Variants in RABGAP1 observed in about 807,000 individuals in gnomAD.
The protein encoded by RABGAP1 is rab GTPase-activating protein 1.
Under a neutral mutation model 137.6 loss-of-function variants are expected in RABGAP1, and 23 were observed. The ratio of observed to expected loss-of-function variants is 0.17; its 90% CI spans 0.12 to 0.24. The LOEUF (loss-of-function observed/expected upper bound fraction) is 0.24, where lower values mean the gene tolerates loss of function less well. Ranked by LOEUF, RABGAP1 falls within the 10% of genes least tolerant of loss-of-function variation. RABGAP1 has a pLI of 1.00. For missense variants in RABGAP1, 906 were observed against 1,275.8 expected, an observed-to-expected ratio of 0.71 and a Z score of 4.42; for synonymous variants, 451 against 450.7, an observed-to-expected ratio of 1.00 and a Z score of -0.01.
intron 4 of RABGAP1, 98 bp downstream of exon 4, chr9:122,986,517 T>A (rs1836379070): frequency 1.6e-6 from 2 of 1,277,432 alleles, no homozygotes; most frequent in African/African-American, 1.5e-5. Context: ...TATTAATAGT[T>A]ATTTTACTTG....
At chr9:122,965,623 A>T (rs1211045909) in intron 2 of RABGAP1, among the ~76,000 whole-genome samples, 1 of 152,202 alleles carries the variant, frequency 6.6e-6, no homozygotes, top group East Asian at 1.9e-4. Flanking sequence ...ACCTCAGGTG[A>T]TCCGCCTGCC....
the RABGAP1 span, among the ~76,000 whole-genome samples, chr9:122,933,941 A>T: frequency 1.5e-4 from 12 of 79,356 alleles, no homozygotes; most frequent in South Asian, 1.3e-3. Context: ...TGAAAAAAAA[A>T]TTTTTTTGTA....
intron 6 of RABGAP1, among the ~76,000 whole-genome samples, chr9:122,995,205 C>G (rs1282448164): frequency 6.6e-6 from 1 of 152,154 alleles, no homozygotes; most frequent in Non-Finnish European, 1.5e-5. Flanking sequence ...AATTATTACA[C>G]TGGTTTATAA....
In RABGAP1 at chr9:123,074,444, C is replaced by T; in HGVS notation, c.2253+16C>T. ...TTTATGTGAGGTATGTATCAGAGGC[C>T]ACAGCACTTTGGCTTTTGTTTGCAG... On this transcript the variant is annotated intron_variant, in intron 17 of 25. Transcript: ENST00000373647. 1 of 1,604,734 alleles carries T rather than the reference C, an allele frequency of 6.2e-7. No homozygotes were observed. Among genetic ancestry groups the T allele is most frequent in the South Asian group, 1.1e-5 (1 of 89,892 alleles).
intron 2 of RABGAP1, among the ~76,000 whole-genome samples, chr9:122,976,784 C>T (rs1225019645): frequency 2.6e-5 from 4 of 152,128 alleles, no homozygotes; most frequent in South Asian, 4.1e-4. Flanking sequence ...AGTAGCAATG[C>T]TAGAATAAAC....
chr9:122,967,880 C>T (rs1835253904), intron 2 of RABGAP1, among the ~76,000 whole-genome samples: 1 of 151,980 alleles, frequency 6.6e-6, no homozygotes, highest in Non-Finnish European at 1.5e-5. Flanking sequence ...GCACACACCA[C>T]CACACTTGGC....
At chr9:123,080,235 C>T (rs1382442131) in intron 19 of RABGAP1, among the ~76,000 whole-genome samples, 2 of 152,236 alleles carry the variant, frequency 1.3e-5, no homozygotes, top group Middle Eastern at 3.4e-3. Context: ...AGGCTGCCTT[C>T]AGTGTGTCTG....
At chr9:122,987,263 T>C (rs554805348) in intron 4 of RABGAP1, among the ~76,000 whole-genome samples, 16 of 152,228 alleles carry the variant, frequency 1.1e-4, no homozygotes, top group Non-Finnish European at 1.9e-4. Flanking sequence ...CAGCTAAATA[T>C]ACTGTTGCTC....
chr9:122,976,852 G>A (rs957577369), intron 2 of RABGAP1, among the ~76,000 whole-genome samples: 1 of 152,148 alleles, frequency 6.6e-6, no homozygotes, highest in Non-Finnish European at 1.5e-5. Context: ...TATCTAGAAC[G>A]GTTAAGATCT....
At chr9:123,021,308 A>C (rs1293550357) in intron 13 of RABGAP1, among the ~76,000 whole-genome samples, 1 of 151,070 alleles carries the variant, frequency 6.6e-6, no homozygotes, top group African/African-American at 2.4e-5. Context: ...AAAAAAAAAA[A>C]ACCTTATAAG....
chr9:123,073,040 G>T (rs893253130), intron 15 of RABGAP1, among the ~76,000 whole-genome samples: 1 of 152,192 alleles, frequency 6.6e-6, no homozygotes, highest in Admixed American at 6.5e-5. Flanking sequence ...AATATGTAAG[G>T]TTCTTCTAAA....
chr9:122,968,295 T>C (rs1835282629), intron 2 of RABGAP1, among the ~76,000 whole-genome samples: 1 of 147,300 alleles, frequency 6.8e-6, no homozygotes, highest in Non-Finnish European at 1.5e-5. Flanking sequence ...CAATCTCAGC[T>C]CACTGCAACC....
chr9:123,079,999 T>C (rs1378588437), intron 19 of RABGAP1, among the ~76,000 whole-genome samples: 1 of 152,206 alleles, frequency 6.6e-6, no homozygotes, highest in Non-Finnish European at 1.5e-5. Flanking sequence ...AAATACACTG[T>C]TGAGTGTCTA....
Position 123,101,554 on chromosome 9 carries a change from A to G in RABGAP1, c.2890-12A>G, listed in dbSNP as rs1192279754. On this transcript the variant is annotated splice_polypyrimidine_tract_variant and intron_variant, in intron 24 of 25. Coordinates refer to ENST00000373647, the MANE Select transcript of RABGAP1 (RefSeq NM_012197.4). ...TCTTCTTTGCCTCTTCACATCTAACATTCAATTTCAGCAAAAAGTGGATGA... is the reference window on the plus strand; with the variant it reads ...TCTTCTTTGCCTCTTCACATCTAACGTTCAATTTCAGCAAAAAGTGGATGA... 1.2e-6 allele frequency: 2 copies of G among 1,612,140 alleles called. No individual in the cohort carries two copies. The highest frequency in any genetic ancestry group is 1.7e-6 in the Non-Finnish European group (2 of 1,178,844).
At chr9:123,088,497 C>T (rs1468343064) in intron 19 of RABGAP1, among the ~76,000 whole-genome samples, 2 of 152,134 alleles carry the variant, frequency 1.3e-5, no homozygotes, top group Non-Finnish European at 2.9e-5. Context: ...GTCACCCAGC[C>T]TGGGCAACAT....
intron 13 of RABGAP1, chr9:123,035,594 C>T (rs753289961): frequency 2.5e-6 from 4 of 1,594,426 alleles, no homozygotes; most frequent in African/African-American, 1.3e-5. Context: ...AGCAAAGGCC[C>T]TCTTAATGGA....
intron 13 of RABGAP1, among the ~76,000 whole-genome samples, chr9:123,050,911 C>T (rs1205062292): frequency 4.6e-5 from 7 of 152,044 alleles, no homozygotes; most frequent in African/African-American, 1.4e-4. Context: ...TCCTCACCAC[C>T]ATGAAATACA....
intron 2 of RABGAP1, among the ~76,000 whole-genome samples, chr9:122,969,695 T>G (rs927799592): frequency 6.6e-6 from 1 of 151,750 alleles, no homozygotes. Context: ...CCTAACACAT[T>G]TTTTTTGCCA....
chr9:122,997,047 A>G (rs981426877), intron 8 of RABGAP1: 10 of 586,058 alleles, frequency 1.7e-5, no homozygotes, highest in Non-Finnish European at 2.8e-5. Context: ...TGTGTATACA[A>G]TTTGATATTC....
Sources: gnomAD v4.1 joint callset for allele counts (sites outside exome capture counted in the v4.1 genomes callset) on GRCh38, gnomAD v4.1.1 for gene constraint, MANE v1.5 for transcripts, NCBI Gene and HGNC (gene_info 2026-07-23, HGNC 2026-07-21) for gene names.